The following APBB2 variants were observed in gnomAD, a reference collection of about 807,000 sequenced individuals.
APBB2 encodes amyloid beta precursor protein binding family B member 2.
In APBB2, 38 loss-of-function variants were observed where a neutral mutation model predicts 82.5. That is an observed-to-expected ratio of 0.46 (90% CI 0.36 to 0.60). The LOEUF (loss-of-function observed/expected upper bound fraction) is 0.60. APBB2 is among the 20% of genes least tolerant of loss of function. The pLI is 0.00. For missense variants in APBB2, 772 were observed against 972.3 expected, an observed-to-expected ratio of 0.79 and a Z score of 2.74; for synonymous variants, 341 against 368.2, an observed-to-expected ratio of 0.93 and a Z score of 0.85.
At chr4:40,903,482 T>C (rs1461628573) in intron 10 of APBB2, among the ~76,000 whole-genome samples, 2 of 151,850 alleles carry the variant, frequency 1.3e-5, no homozygotes, top group Admixed American at 6.6e-5. Flanking sequence ...AATAAATAGA[T>C]AAAAAATGAT....
intron 3 of APBB2, among the ~76,000 whole-genome samples, chr4:41,088,966 A>G (rs1456661076): frequency 6.6e-6 from 1 of 152,128 alleles, no homozygotes. Flanking sequence ...CCATATGAAA[A>G]TGGTTTCTCT....
chr4:40,975,786 AC>A (rs1452412271), intron 6 of APBB2, among the ~76,000 whole-genome samples: 2 of 150,208 alleles, frequency 1.3e-5, no homozygotes, highest in African/African-American at 4.9e-5. Context: ...ACACACACAC[AC>A]ACAACAACCA....
intron 4 of APBB2, among the ~76,000 whole-genome samples, chr4:41,035,090 C>T (rs535114318): frequency 1.3e-5 from 2 of 152,276 alleles, no homozygotes; most frequent in East Asian, 3.9e-4. Context: ...ATTCATCAGG[C>T]TGTGCTCTTA....
chr4:40,826,044 T>A lies in APBB2; in HGVS notation c.1733-74A>T. The A allele has an allele frequency of 8.8e-7, 1 of 1,135,656 alleles. No individual in the cohort carries two copies. The highest frequency in any genetic ancestry group is 1.7e-5 in the Admixed American group (1 of 59,366). The allele number at this position is 1,135,656 out of a possible 1,614,324, so 70.3% of individuals were successfully genotyped here. On this transcript the variant is annotated intron_variant, in intron 14 of 17. Transcript: ENST00000508593. The surrounding 1 kb of genome is among the most constrained non-coding windows in gnomAD (Gnocchi z 4.5). ...TGTACACAACAGCCGTGGCTCTGCA[T>A]CATCTGAATGCTCAGGACACGCCCT...
At chr4:40,867,938 A>G (rs897282183) in intron 12 of APBB2, among the ~76,000 whole-genome samples, 3 of 151,240 alleles carry the variant, frequency 2.0e-5, no homozygotes, top group Admixed American at 2.0e-4. Flanking sequence ...CATGTGATCT[A>G]ATTGCTAGCC....
At chr4:41,019,704 A>C (rs1810953372) in intron 5 of APBB2, among the ~76,000 whole-genome samples, 1 of 152,166 alleles carries the variant, frequency 6.6e-6, no homozygotes, top group Non-Finnish European at 1.5e-5. Flanking sequence ...GTGGGAGAAA[A>C]GGAAAAGGCC....
At chr4:41,156,960 G>C (rs1328651166) in intron 1 of APBB2, among the ~76,000 whole-genome samples, 4 of 151,892 alleles carry the variant, frequency 2.6e-5, no homozygotes, top group African/African-American at 9.7e-5. Context: ...CAGCTACTTG[G>C]GGGACTGAGG....
intron 4 of APBB2, among the ~76,000 whole-genome samples, chr4:41,059,834 C>CTG (rs71648946): frequency 0.18 from 27,481 of 151,850 alleles, 2,811 homozygotes; most frequent in Non-Finnish European, 0.24. Context: ...CTCTATATTT[C>CTG]TGTGTGTGTG....
chr4:40,886,438 C>T (rs1024781888), intron 12 of APBB2, among the ~76,000 whole-genome samples: 6 of 152,040 alleles, frequency 3.9e-5, no homozygotes, highest in African/African-American at 1.4e-4. Flanking sequence ...TGAGATTGCA[C>T]CATTGCACTC....
At chr4:41,027,767 G>A (rs1654482882) in intron 5 of APBB2, among the ~76,000 whole-genome samples, 1 of 152,156 alleles carries the variant, frequency 6.6e-6, no homozygotes, top group Admixed American at 6.5e-5. Context: ...AAAACTAAAT[G>A]AGGAATGAAT....
Position 41,135,902 on chromosome 4 carries a change from C to A in APBB2, c.-261+7085G>T, listed in dbSNP as rs1055716832. On this transcript the variant is annotated intron_variant, in intron 2 of 17. Transcript: ENST00000508593. ...CCCATGCTGGTCTCAAGCTCCTGGG[C>A]TCAAGCAATTCTCTTGCCTCAGCCT... 2.0e-5 allele frequency among the ~76,000 whole-genome samples: 3 copies of A among 152,158 alleles called. No homozygotes were observed. In the East Asian group the frequency reaches 5.8e-4, roughly 29 times the overall value.
Position 40,893,396 on chromosome 4 carries a change from A to C in APBB2, c.1270T>G (p.Ser424Ala). 1.2e-6 allele frequency: 2 copies of C among 1,611,950 alleles called. No individual in the cohort carries two copies. The highest frequency in any genetic ancestry group is 1.7e-6 in the Non-Finnish European group (2 of 1,178,920). ...TCTGCCATCTCTACCCATCCCAGAG[A>C]ACGCACAGCAAAACACTGGAAGACA... is the stretch of plus-strand genomic sequence containing the variant. Reference protein sequence around the residue: ...DPEAKCFAVRSLGWVEMAEED... With the variant: ...DPEAKCFAVRALGWVEMAEED... The change falls in exon 11 of 18, where the codon TCT becomes GCT. Residue 424 changes from serine (S) to alanine (A), a missense_variant. Ser to Ala is a moderately conservative substitution (Grantham distance 99). Coordinates refer to ENST00000508593, the MANE Select transcript of APBB2 (RefSeq NM_004307.2).
At chr4:40,863,571 T>A (rs2465548) in intron 12 of APBB2, among the ~76,000 whole-genome samples, 56,087 of 151,892 alleles carry the variant, frequency 0.37, 11,491 homozygotes, top group African/African-American at 0.55. Context: ...ATGAGCAGCA[T>A]AAAAGATTTT....
At chr4:40,917,052 C>T (rs960369710) in intron 10 of APBB2, among the ~76,000 whole-genome samples, 13 of 152,138 alleles carry the variant, frequency 8.5e-5, no homozygotes, top group East Asian at 5.8e-4. Context: ...CAAGTCAGGG[C>T]GGCAACTCCT....
At chr4:41,181,639 G>A (rs1006329072) in intron 1 of APBB2, among the ~76,000 whole-genome samples, 1 of 152,248 alleles carries the variant, frequency 6.6e-6, no homozygotes. Context: ...AAAGGAGCTA[G>A]AACTTGCTCG....
intron 2 of APBB2, among the ~76,000 whole-genome samples, chr4:41,119,355 T>A (rs1032963373): frequency 6.6e-6 from 1 of 151,894 alleles, no homozygotes; most frequent in African/African-American, 2.4e-5. Flanking sequence ...AAACTTAATC[T>A]CATGCATTTA....
chr4:40,867,038 G>T (rs1442927366), intron 12 of APBB2, among the ~76,000 whole-genome samples: 1 of 152,164 alleles, frequency 6.6e-6, no homozygotes, highest in Non-Finnish European at 1.5e-5. Context: ...TTACAGGCAT[G>T]AGCCACCATG....
chr4:41,025,059 G>T (rs1218337581), intron 5 of APBB2, among the ~76,000 whole-genome samples: 1 of 152,098 alleles, frequency 6.6e-6, no homozygotes, highest in Non-Finnish European at 1.5e-5. Flanking sequence ...CTTTGTTCCA[G>T]GCCCAGTTTT....
intron 6 of APBB2, among the ~76,000 whole-genome samples, chr4:40,983,635 T>C (rs888344038): frequency 5.9e-5 from 9 of 152,004 alleles, no homozygotes; most frequent in African/African-American, 9.7e-5. Flanking sequence ...TGGAGTGCAA[T>C]GGTGCCACCT....
Sources: allele counts gnomAD v4.1 joint callset (sites outside exome capture counted in the v4.1 genomes callset), GRCh38; gene constraint gnomAD v4.1.1; non-coding constraint Gnocchi (gnomAD v3.1); transcripts MANE v1.5; gene names NCBI Gene and HGNC (gene_info 2026-07-23, HGNC 2026-07-21).